SCD5: variants seen among roughly 807,000 people sequenced by gnomAD.
SCD5 encodes the protein stearoyl-CoA desaturase 5, also known as acyl-CoA-desaturase 4.
Under a neutral mutation model 30.4 loss-of-function variants are expected in SCD5, and 20 were observed. That is an observed-to-expected ratio of 0.66 (90% CI 0.46 to 0.96). The LOEUF is 0.96. SCD5 is among the 40% of genes least tolerant of loss of function. SCD5 has a pLI of 0.00. For missense variants in SCD5, 381 were observed against 443.3 expected, an observed-to-expected ratio of 0.86 and a Z score of 1.26; for synonymous variants, 173 against 176.4, an observed-to-expected ratio of 0.98 and a Z score of 0.16.
intron 1 of SCD5, among the ~76,000 whole-genome samples, chr4:82,731,615 T>G (rs1720644543): frequency 6.6e-6 from 1 of 152,206 alleles, no homozygotes; most frequent in African/African-American, 2.4e-5. Context: ...AGCAGAACCC[T>G]TATTTCGCAG....
chr4:82,641,160 A>G (rs6824723), intron 3 of SCD5, among the ~76,000 whole-genome samples: 29,737 of 148,514 alleles, frequency 0.2, 3,106 homozygotes, highest in East Asian at 0.38. Context: ...AGGCTGAGGC[A>G]GGAGAATTGC....
At chr4:82,684,501 C>T (rs1728653372) in intron 2 of SCD5, among the ~76,000 whole-genome samples, 1 of 152,172 alleles carries the variant, frequency 6.6e-6, no homozygotes, top group Non-Finnish European at 1.5e-5. Flanking sequence ...GCACTTTTGT[C>T]TGCTCTGGAG....
At chr4:82,641,947 T>C (rs1727555236) in intron 3 of SCD5, among the ~76,000 whole-genome samples, 2 of 152,066 alleles carry the variant, frequency 1.3e-5, no homozygotes, top group African/African-American at 4.8e-5. Context: ...AAGAGCTCTG[T>C]CTTGGACACG....
chr4:82,760,042 C>T (rs1230277460), intron 1 of SCD5, among the ~76,000 whole-genome samples: 1 of 152,146 alleles, frequency 6.6e-6, no homozygotes, highest in African/African-American at 2.4e-5. Flanking sequence ...TCCATAACCC[C>T]TGAAGCAATT....
intron 1 of SCD5, among the ~76,000 whole-genome samples, chr4:82,768,399 ATAAGGAACAATATTCTAG>A (rs1721538612): frequency 6.6e-6 from 1 of 152,216 alleles, no homozygotes; most frequent in Non-Finnish European, 1.5e-5. Flanking sequence ...AATTTTCAAA[ATAAGGAACAATATTCTAG>A]TAAGTTAAAA....
chr4:82,776,995 T>A (rs1407720461), intron 1 of SCD5, among the ~76,000 whole-genome samples: 4 of 152,350 alleles, frequency 2.6e-5, no homozygotes, highest in African/African-American at 9.6e-5. Flanking sequence ...TCTGGGAAGC[T>A]GTGCTGAACT....
At chr4:82,640,619 G>A (rs1368493486) in intron 3 of SCD5, among the ~76,000 whole-genome samples, 4 of 152,320 alleles carry the variant, frequency 2.6e-5, no homozygotes, top group East Asian at 3.9e-4. Context: ...ATCTCAAGCC[G>A]ACTTAGCAAA....
At chr4:82,681,227 C>G (rs1382615868) in intron 2 of SCD5, among the ~76,000 whole-genome samples, 1 of 152,078 alleles carries the variant, frequency 6.6e-6, no homozygotes, top group African/African-American at 2.4e-5. Flanking sequence ...CGACTGAAGT[C>G]TCCTAGATCA....
intron 3 of SCD5, among the ~76,000 whole-genome samples, chr4:82,644,614 C>G (rs561037665): frequency 8.5e-5 from 13 of 152,192 alleles, no homozygotes; most frequent in Non-Finnish European, 1.6e-4. Context: ...GCAAGGAGTA[C>G]GATACAATCC....
intron 2 of SCD5, among the ~76,000 whole-genome samples, chr4:82,704,945 A>G (rs1414200387): frequency 1.3e-5 from 2 of 152,214 alleles, no homozygotes; most frequent in African/African-American, 4.8e-5. Flanking sequence ...ATCAAATACT[A>G]TATGCATACC....
At chr4:82,675,873 C>T (rs948857953) in intron 3 of SCD5, among the ~76,000 whole-genome samples, 4 of 152,228 alleles carry the variant, frequency 2.6e-5, no homozygotes, top group Admixed American at 2.6e-4. Context: ...GGCAGAACAA[C>T]TGTGTGGCTA....
chr4:82,727,613 C>G (rs73829983), intron 1 of SCD5, among the ~76,000 whole-genome samples: 3,882 of 152,290 alleles, frequency 0.025, 162 homozygotes, highest in African/African-American at 0.089. Context: ...CAAAACTGTT[C>G]TGACTTCATA....
intron 2 of SCD5, among the ~76,000 whole-genome samples, chr4:82,685,943 C>T (rs1407478012): frequency 6.6e-6 from 1 of 151,938 alleles, no homozygotes; most frequent in African/African-American, 2.4e-5. Flanking sequence ...ATTTCAAGTG[C>T]TCAGTAGCCA....
At chr4:82,732,369 C>A (rs542965889) in intron 1 of SCD5, among the ~76,000 whole-genome samples, 1 of 152,226 alleles carries the variant, frequency 6.6e-6, no homozygotes, top group African/African-American at 2.4e-5. Flanking sequence ...GGATTACAGG[C>A]ACGAGCCACC....
intron 3 of SCD5, among the ~76,000 whole-genome samples, chr4:82,664,989 CTCTCTCTCTCTA>C (rs1309587824): frequency 1.3e-4 from 13 of 103,254 alleles, no homozygotes; most frequent in African/African-American, 5.0e-4. Flanking sequence ...CTCTCTCTCT[CTCTCTCTCTCTA>C]TATATATATA....
At chr4:82,774,724 C>T (rs912848467) in intron 1 of SCD5, among the ~76,000 whole-genome samples, 23 of 152,170 alleles carry the variant, frequency 1.5e-4, no homozygotes, top group African/African-American at 5.1e-4. Context: ...CTGAAGAAAA[C>T]TGTTACATAG....
chr4:82,755,007 G>C (rs1361640425), intron 1 of SCD5, among the ~76,000 whole-genome samples: 2 of 152,052 alleles, frequency 1.3e-5, no homozygotes, highest in Non-Finnish European at 2.9e-5. Flanking sequence ...CCTAGGCTAA[G>C]GTTGCAGGGT....
chr4:82,716,145 G>A (rs1473057431), intron 1 of SCD5, among the ~76,000 whole-genome samples: 1 of 151,646 alleles, frequency 6.6e-6, no homozygotes, highest in Admixed American at 6.6e-5. Context: ...TCTCTTCTTC[G>A]AAGCCTCTTC....
intron 1 of SCD5, among the ~76,000 whole-genome samples, chr4:82,720,441 T>TAAAAAAAAAAAAAAAA (rs1553917690): frequency 6.4e-5 from 5 of 77,876 alleles, no homozygotes; most frequent in Non-Finnish European, 9.4e-5. Context: ...AAGGCAAAAA[T>TAAAAAAAAAAAAAAAA]AAAAAAAAAA....
Sources: allele counts gnomAD v4.1 joint callset (sites outside exome capture counted in the v4.1 genomes callset), GRCh38; gene constraint gnomAD v4.1.1; transcripts MANE v1.5; gene names NCBI Gene and HGNC (gene_info 2026-07-23, HGNC 2026-07-21).